The following LYN variants were observed in gnomAD, a reference collection of about 807,000 sequenced individuals.
The protein encoded by LYN is tyrosine-protein kinase Lyn.
Under a neutral mutation model 65.0 loss-of-function variants are expected in LYN, and 12 were observed. That is an observed-to-expected ratio of 0.18 (90% CI 0.12 to 0.30). The LOEUF (loss-of-function observed/expected upper bound fraction) is 0.30, where lower values mean the gene tolerates loss of function less well. LYN is among the 10% of genes least tolerant of loss of function. The pLI is 1.00. For missense variants in LYN, 380 were observed against 623.2 expected (o/e 0.61, Z 4.16); for synonymous variants, 222 against 221.2 (o/e 1.00, Z -0.03).
intron 12 of LYN, among the ~76,000 whole-genome samples, chr8:56,005,410 T>C (rs868399297): frequency 3.9e-4 from 59 of 152,366 alleles, no homozygotes; most frequent in African/African-American, 1.3e-3. Context: ...AGCATTTGCC[T>C]GGGCACTGGT....
chr8:55,936,168 A>G (rs150791407), intron 1 of LYN, among the ~76,000 whole-genome samples: 3 of 152,352 alleles, frequency 2.0e-5, no homozygotes, highest in Admixed American at 2.0e-4. Context: ...TGCTTGAACC[A>G]GTCTTGGACC....
rs373111685 is a variant in LYN, at chr8:55,911,102, T to TATGTATATATATAC, written c.-5-30752_-5-30751insTGTATATATATACA. On this transcript the variant is annotated intron_variant, in intron 1 of 12. Coordinates refer to ENST00000519728, the MANE Select transcript of LYN (RefSeq NM_002350.4). ...ACATACATATATATATATATATACA[T>TATGTATATATATAC]ACACGTATATATACGTATATATATA... Among the ~76,000 whole-genome samples, 8 of 28,856 alleles carry TATGTATATATATAC rather than the reference T, an allele frequency of 2.8e-4. 3 individuals are homozygous for TATGTATATATATAC. The highest frequency in any genetic ancestry group is 1.1e-3 in the African/African-American group (8 of 7,444). 18.9% of individuals were successfully genotyped at this position (28,856 alleles called of 152,430 possible).
intron 12 of LYN, among the ~76,000 whole-genome samples, chr8:56,008,162 GTAC>G (rs138795798): frequency 0.084 from 12,484 of 148,868 alleles, 675 homozygotes; most frequent in Non-Finnish European, 0.12. Flanking sequence ...AATACTGGTA[GTAC>G]TCTAAAAAAG....
At chr8:55,909,222 G>A (rs963950173) in intron 1 of LYN, among the ~76,000 whole-genome samples, 2 of 151,952 alleles carry the variant, frequency 1.3e-5, no homozygotes, top group African/African-American at 4.8e-5. Flanking sequence ...TGTGTGCCAC[G>A]TGATGGGCCA....
At chr8:55,993,294 G>A (rs1451542329) in intron 10 of LYN, among the ~76,000 whole-genome samples, 1 of 152,186 alleles carries the variant, frequency 6.6e-6, no homozygotes, top group East Asian at 1.9e-4. Context: ...CCAGAACTTG[G>A]CCTGGGGAGA....
At chr8:55,964,600 C>T (rs1291371756) in intron 8 of LYN, among the ~76,000 whole-genome samples, 1 of 152,166 alleles carries the variant, frequency 6.6e-6, no homozygotes, top group Non-Finnish European at 1.5e-5. Context: ...GGCACAGTGG[C>T]TCATGCCTAC....
chr8:56,000,362 A>G (rs1808479451), intron 12 of LYN, among the ~76,000 whole-genome samples: 1 of 152,062 alleles, frequency 6.6e-6, no homozygotes, highest in South Asian at 2.1e-4. Flanking sequence ...CCAGATTCCT[A>G]ACACCTGAAG....
rs149770859 is a variant in LYN at position 56,005,075 on chromosome 8, C to T, written c.1337-4833C>T. On this transcript the variant is annotated intron_variant, in intron 12 of 12. Transcript: ENST00000519728. ...CTGGAATTATAGGTGTGAGCCACCA[C>T]GCCCGGCCAGCCACATGGTGTTAAA... Among the ~76,000 whole-genome samples the T allele has an allele frequency of 6.5e-3, 990 of 152,290 alleles. 11 individuals are homozygous for T. The highest frequency in any genetic ancestry group is 0.023 in the African/African-American group (945 of 41,552).
intron 10 of LYN, among the ~76,000 whole-genome samples, chr8:55,987,559 G>T (rs1808112443): frequency 6.6e-6 from 1 of 152,094 alleles, no homozygotes; most frequent in Non-Finnish European, 1.5e-5. Context: ...TGGGATTATG[G>T]GTGCCCGCCA....
At position 55,948,887 on chromosome 8, in the gene LYN, A is replaced by G. The variant is rs771115071; in HGVS notation, c.284+1164A>G. ...CATGATGCATGTGTTTAAACATGAC[A>G]TAAGCAAAGAGGATGCAGAGCTTAG... On this transcript the variant is annotated intron_variant, in intron 4 of 12. Transcript: ENST00000519728. Among the ~76,000 whole-genome samples the G allele has an allele frequency of 2.6e-5, 4 of 152,250 alleles. 1 individual carries two copies. Among genetic ancestry groups the G allele is most frequent in the Non-Finnish European group, 1.5e-5 (1 of 68,036 alleles).
rs1226418697 is a variant in LYN, at chr8:56,013,183, C to T, written c.*3073C>T. 6.6e-6 allele frequency: 1 copy of T among 152,048 alleles called. No individual in the cohort carries two copies. The highest frequency in any genetic ancestry group is 1.5e-5 in the Non-Finnish European group (1 of 68,022). 9.4% of individuals were successfully genotyped at this position (152,048 alleles called of 1,614,324 possible). On this transcript the variant is annotated 3_prime_UTR_variant, in exon 13 of 13. Transcript: ENST00000519728. ...AGGAGGGAATTAATTTTGTTGCCTA[C>T]ACCAGGGATAGATCGAGGGCACTGA...
Position 55,908,989 on chromosome 8 carries a change from G to GTGTATATATATATATATATATATATA in LYN, c.-6+28887_-6+28888insGTATATATATATATATATATATATAT, listed in dbSNP as rs1379592685. ...GGCTGAATGGTATTCCATTGTGTAT[G>GTGTATATATATATATATATATATATA]TATATATATATATATATATATACAC... On this transcript the variant is annotated intron_variant, in intron 1 of 12. Transcript: ENST00000519728. 2.5e-4 allele frequency among the ~76,000 whole-genome samples: 5 copies of GTGTATATATATATATATATATATATA among 20,392 alleles called. 1 individual carries two copies. Among genetic ancestry groups the GTGTATATATATATATATATATATATA allele is most frequent in the African/African-American group, 8.6e-4 (3 of 3,494 alleles). 13.4% of individuals were successfully genotyped at this position (20,392 alleles called of 152,430 possible).
intron 10 of LYN, among the ~76,000 whole-genome samples, chr8:55,987,696 A>G (rs1419526039): frequency 6.6e-6 from 1 of 152,138 alleles, no homozygotes; most frequent in Admixed American, 6.5e-5. Flanking sequence ...GATTATAGGC[A>G]TGAGCCACCA....
intron 1 of LYN, among the ~76,000 whole-genome samples, chr8:55,889,518 T>C (rs1219161076): frequency 1.3e-5 from 2 of 152,192 alleles, no homozygotes; most frequent in Admixed American, 6.5e-5. Context: ...CAAGTATATT[T>C]ATCGAGTGCT....
intron 10 of LYN, among the ~76,000 whole-genome samples, chr8:55,978,978 G>A (rs75955525): frequency 2.0e-5 from 3 of 150,754 alleles, no homozygotes; most frequent in African/African-American, 4.9e-5. Flanking sequence ...TTCCCTGACC[G>A]CTCAGCATGC....
At chr8:55,917,115 G>A (rs1585595692) in intron 1 of LYN, among the ~76,000 whole-genome samples, 1 of 151,822 alleles carries the variant, frequency 6.6e-6, no homozygotes, top group African/African-American at 2.4e-5. Context: ...AGACGAGGCT[G>A]CAGTGAGCCA....
intron 1 of LYN, among the ~76,000 whole-genome samples, chr8:55,894,840 G>A (rs1442944525): frequency 6.6e-6 from 1 of 151,528 alleles, no homozygotes; most frequent in African/African-American, 2.4e-5. Context: ...TGGCCTGCCT[G>A]GCTAATTTTT....
chr8:55,979,138 C>T (rs1807846658), intron 10 of LYN, among the ~76,000 whole-genome samples: 2 of 149,586 alleles, frequency 1.3e-5, no homozygotes, highest in South Asian at 4.2e-4. Context: ...CTCCGCCTCC[C>T]AGGCTCAAGC....
At chr8:55,884,467 C>G (rs553337961) in intron 1 of LYN, among the ~76,000 whole-genome samples, 1 of 151,454 alleles carries the variant, frequency 6.6e-6, no homozygotes, top group South Asian at 2.1e-4. Flanking sequence ...ATTCTGCCTC[C>G]CACTGAAGAG....
Sources: gnomAD v4.1 joint callset for allele counts (sites outside exome capture counted in the v4.1 genomes callset) on GRCh38, gnomAD v4.1.1 for gene constraint, MANE v1.5 for transcripts, NCBI Gene and HGNC (gene_info 2026-07-23, HGNC 2026-07-21) for gene names.